RPS6KL1: variants seen among roughly 807,000 people sequenced by gnomAD.
The protein encoded by RPS6KL1 is ribosomal protein S6 kinase-like 1.
A neutral mutation model predicts 57.0 loss-of-function variants in RPS6KL1; 41 were observed. The ratio of observed to expected loss-of-function variants is 0.72; its 90% CI spans 0.56 to 0.93. The LOEUF (loss-of-function observed/expected upper bound fraction) is 0.93, where lower values mean the gene tolerates loss of function less well. RPS6KL1 is among the 40% of genes least tolerant of loss of function. RPS6KL1 has a pLI of 0.00. For missense variants in RPS6KL1, 697 were observed against 727.7 expected, an observed-to-expected ratio of 0.96 and a Z score of 0.49; for synonymous variants, 287 against 309.7, an observed-to-expected ratio of 0.93 and a Z score of 0.77.
At position 74,909,909 on chromosome 14, in the gene RPS6KL1, C is replaced by T. The variant is rs753561008; in HGVS notation, c.904G>A (p.Ala302Thr). ...EAPSTRPQRE[A>T]EGEPTARTST... ...GTCCTGGCTGTGGGTTCACCTTCAG[C>T]CTCCCTCTGGGGTCTGGTGGATGGG... Residue 302 changes from alanine to threonine, a missense_variant, in exon 8 of 12, where the codon GCT becomes ACT. Physicochemically the swap from Ala to Thr is moderately conservative, Grantham distance 58. Coordinates refer to ENST00000557413, the MANE Select transcript of RPS6KL1 (RefSeq NM_031464.5). 1.9e-6 allele frequency: 3 copies of T among 1,614,108 alleles called. No homozygotes were observed. The highest frequency in any genetic ancestry group is 2.5e-6 in the Non-Finnish European group (3 of 1,179,972).
Position 74,911,372 on chromosome 14 carries a change from G to C in RPS6KL1, c.540C>G (p.Pro180=). 6.2e-7 allele frequency: 1 copy of C among 1,606,332 alleles called. No homozygotes were observed. Among genetic ancestry groups the C allele is most frequent in the Non-Finnish European group, 8.5e-7 (1 of 1,178,612 alleles). The part of the protein sequence containing the change: ...TGGTFVVKSL[P]RCHMVSRERL... ...GCTCCCTGCTCACCATGTGGCACCT[G>C]GGTAGGCTCTGGGAGCAGCAGGGCA... The change falls in exon 7 of 12, where the codon CCC becomes CCG. Residue 180 remains proline, a synonymous_variant. Coordinates refer to ENST00000557413, the MANE Select transcript of RPS6KL1 (RefSeq NM_031464.5).
At chr14:74,908,401 G>A (rs540816977) in intron 10 of RPS6KL1, among the ~76,000 whole-genome samples, 15 of 152,264 alleles carry the variant, frequency 9.9e-5, no homozygotes, top group African/African-American at 3.6e-4. Context: ...TTGAGCTCTT[G>A]GCTGACCCAG....
At chr14:74,909,469 G>T in intron 8 of RPS6KL1, 74 bp downstream of exon 8, 1 of 1,508,342 alleles carries the variant, frequency 6.6e-7, no homozygotes, top group South Asian at 1.3e-5. Flanking sequence ...AGGTCCCCTC[G>T]ACTTTGGGGA....
rs759954463 is a variant in RPS6KL1, at chr14:74,909,087, T to TC, written c.1360+13dup. On this transcript the variant is annotated intron_variant, in intron 9 of 11. Coordinates refer to ENST00000557413, the MANE Select transcript of RPS6KL1 (RefSeq NM_031464.5). ...CCAGGTGCTAAGGCCCACCCTGGCC[T>TC]CCCCCCTTCTTGCCTGGGGCGCTGT... 1.2e-6 allele frequency: 2 copies of TC among 1,613,090 alleles called. No individual in the cohort carries two copies. The highest frequency in any genetic ancestry group is 2.2e-5 in the East Asian group (1 of 44,864).
In RPS6KL1 at chr14:74,919,956, C is replaced by T; in HGVS notation, c.279G>A (p.Lys93=). The change falls in exon 4 of 12, where the codon AAG becomes AAA. Residue 93 remains lysine, a synonymous_variant. Transcript: ENST00000557413. ...LLRGIHVDPN[K]ERREAVKLKI... ...TCAGCTTCACAGCCTCACGTCGCTC[C>T]TTGTTGGGGTCAACTGTGGGAGACA... 1 of 1,614,186 alleles carries T rather than the reference C, an allele frequency of 6.2e-7. No homozygotes were observed. Among genetic ancestry groups the T allele is most frequent in the Non-Finnish European group, 8.5e-7 (1 of 1,180,028 alleles).
chr14:74,914,187 C>T (rs903407344), intron 5 of RPS6KL1, among the ~76,000 whole-genome samples: 2 of 152,250 alleles, frequency 1.3e-5, no homozygotes, highest in African/African-American at 4.8e-5. Flanking sequence ...GAGGTCTCTC[C>T]TCCAACAGCC....
chr14:74,907,639 C>A, intron 10 of RPS6KL1, 109 bp from the exon 11 acceptor site: 1 of 1,012,132 alleles, frequency 9.9e-7, no homozygotes, highest in Admixed American at 2.6e-5. Flanking sequence ...AGGAGGATGA[C>A]AATAATGATA....
At position 74,922,163 on chromosome 14, in the gene RPS6KL1, T is replaced by C. The variant is rs903446082; in HGVS notation, c.-206A>G. On this transcript the variant is annotated 5_prime_UTR_variant, in exon 2 of 12. Transcript: ENST00000557413. ...TACTGTGTTGAGCTCTGGAGAGAGC[T>C]GAGGATATCTGTGATCCACAGCCAC... The C allele has an allele frequency of 1.0e-6, 1 of 985,532 alleles. No individual in the cohort carries two copies. Among genetic ancestry groups the C allele is most frequent in the Non-Finnish European group, 1.2e-6 (1 of 829,352 alleles). The allele number at this position is 985,532 out of a possible 1,614,324, so 61.0% of individuals were successfully genotyped here.
At position 74,910,603 on chromosome 14, in the gene RPS6KL1, T is replaced by C. The variant is rs1375640743; in HGVS notation, c.665-455A>G. 7 of 157,600 alleles carry C rather than the reference T, an allele frequency of 4.4e-5. No homozygotes were observed. In the South Asian group the frequency reaches 1.2e-3, roughly 26 times the overall value. The allele number at this position is 157,600 out of a possible 1,614,324, so 9.8% of individuals were successfully genotyped here. Reference sequence around the variant, plus strand: ...ATGGCCCAGTTCCTGTCCTCATAACTTCAGTCACCACCACCCTGTCTGGCC... The same window carrying C: ...ATGGCCCAGTTCCTGTCCTCATAACCTCAGTCACCACCACCCTGTCTGGCC... On this transcript the variant is annotated intron_variant, in intron 7 of 11. Transcript: ENST00000557413.
intron 5 of RPS6KL1, among the ~76,000 whole-genome samples, chr14:74,917,128 C>G (rs762985653): frequency 1.3e-5 from 2 of 152,220 alleles, no homozygotes; most frequent in African/African-American, 2.4e-5. Flanking sequence ...TGGAGTAAGG[C>G]CCGGGAGCAG....
intron 11 of RPS6KL1, 108 bp from the exon 12 acceptor site, chr14:74,907,232 C>A: frequency 7.3e-7 from 1 of 1,370,332 alleles, no homozygotes. Context: ...CCCTGGCAGC[C>A]TGGCCCACAG....
Position 74,907,474 on chromosome 14 carries a change from G to A in RPS6KL1, c.1500C>T (p.Pro500=), listed in dbSNP as rs766011005. The A allele has an allele frequency of 6.3e-6, 10 of 1,588,794 alleles. No individual in the cohort carries two copies. The highest frequency in any genetic ancestry group is 2.3e-5 in the East Asian group (1 of 43,818). ...GIQAHTQLQL[P]EWLSRPAASL... ...AGGCCGCTGGGCGACTGAGCCACTC[G>A]GGCAGCTGGAGCTGGGTGTGGGCCT... Residue 500 remains proline, a synonymous_variant, in exon 11 of 12, where the codon CCC becomes CCT. Transcript: ENST00000557413.
intron 6 of RPS6KL1, 177 bp downstream of exon 6, chr14:74,911,607 GTGTATGTGTA>G (rs1230020744): frequency 4.5e-6 from 3 of 663,298 alleles, no homozygotes; most frequent in East Asian, 5.5e-5. Context: ...GTATGTGTAT[GTGTATGTGTA>G]TGTGTGTGTG....
At chr14:74,909,000 C>T (rs1885404618) in intron 9 of RPS6KL1, 68 bp from the exon 10 acceptor site, 1 of 1,570,980 alleles carries the variant, frequency 6.4e-7, no homozygotes, top group Non-Finnish European at 8.8e-7. Context: ...CCTCAGCCTA[C>T]CCAGACACCA....
intron 4 of RPS6KL1, among the ~76,000 whole-genome samples, 154 bp from the exon 5 acceptor site, chr14:74,918,759 T>A (rs926880418): frequency 1.3e-5 from 2 of 152,150 alleles, no homozygotes; most frequent in Non-Finnish European, 2.9e-5. Context: ...AGTGGCAGGC[T>A]GGGTGGAAAA....
intron 10 of RPS6KL1, among the ~76,000 whole-genome samples, chr14:74,908,226 A>G (rs1257362856): frequency 1.3e-5 from 2 of 152,210 alleles, no homozygotes; most frequent in Non-Finnish European, 2.9e-5. Context: ...TTTCCTGCTC[A>G]AATGCAATTT....
intron 8 of RPS6KL1, 110 bp downstream of exon 8, chr14:74,909,433 G>A (rs1885511050): frequency 4.3e-6 from 6 of 1,400,924 alleles, no homozygotes; most frequent in Non-Finnish European, 5.7e-6. Context: ...GGCTGGCTGG[G>A]GCCAGGGAGG....
In RPS6KL1 at chr14:74,921,307, C is replaced by T. The variant is rs1887803824; in HGVS notation, c.235G>A (p.Gly79Ser). Reference sequence around the variant, plus strand: ...ATGCCACGGAGCAGCACGTCCACGCCATTCTGATAGTGGTTGAAGGCCGCC... The same window carrying T: ...ATGCCACGGAGCAGCACGTCCACGCTATTCTGATAGTGGTTGAAGGCCGCC... ...YEAAFNHYQNGVDVLLRGIHV... is the reference protein window; with the variant it reads ...YEAAFNHYQNSVDVLLRGIHV... Residue 79 changes from glycine (G) to serine (S), a missense_variant, in exon 3 of 12, where the codon GGC becomes AGC. By Grantham distance (56) the Gly-to-Ser change is moderately conservative. Coordinates refer to ENST00000557413, the MANE Select transcript of RPS6KL1 (RefSeq NM_031464.5). 2 of 1,614,108 alleles carry T rather than the reference C, an allele frequency of 1.2e-6. No individual in the cohort carries two copies. Among genetic ancestry groups the T allele is most frequent in the African/African-American group, 1.3e-5 (1 of 74,950 alleles).
In RPS6KL1 at chr14:74,921,996, C is replaced by G. The variant is rs1442781384; in HGVS notation, c.-39G>C. 1.7e-5 allele frequency: 4 copies of G among 242,064 alleles called. No homozygotes were observed. Among genetic ancestry groups the G allele is most frequent in the African/African-American group, 2.3e-5 (1 of 43,648 alleles). 15.0% of individuals were successfully genotyped at this position (242,064 alleles called of 1,614,324 possible). A position where few individuals can be genotyped will look rare whatever the true frequency, so the allele number is the denominator to read the frequency against. On this transcript the variant is annotated 5_prime_UTR_variant, in exon 2 of 12. Coordinates refer to ENST00000557413, the MANE Select transcript of RPS6KL1 (RefSeq NM_031464.5). Reference sequence around the variant, plus strand: ...GTTTTACCATGTTGGCCAGGCTGGTCTTGAACTCCTGACCTCAAGTGATCC... The same window carrying G: ...GTTTTACCATGTTGGCCAGGCTGGTGTTGAACTCCTGACCTCAAGTGATCC...
Sources: allele counts gnomAD v4.1 joint callset (sites outside exome capture counted in the v4.1 genomes callset), GRCh38; gene constraint gnomAD v4.1.1; transcripts MANE v1.5; gene names NCBI Gene and HGNC (gene_info 2026-07-23, HGNC 2026-07-21).